Variants in GRID2 observed in about 807,000 individuals in gnomAD.
The protein encoded by GRID2 is glutamate receptor ionotropic, delta-2.
Under a neutral mutation model 114.8 loss-of-function variants are expected in GRID2, and 33 were observed. The observed-to-expected ratio is 0.29, with a 90% CI of 0.22 to 0.38. The LOEUF (loss-of-function observed/expected upper bound fraction) is 0.38. Among genes scored for constraint, GRID2 ranks in the 10% least tolerant of loss-of-function variants. The pLI is 1.00. For missense variants in GRID2, 1,184 were observed against 1,257.7 expected (o/e 0.94, Z 0.89); for synonymous variants, 505 against 449.9 (o/e 1.12, Z -1.55).
intron 4 of GRID2, among the ~76,000 whole-genome samples, chr4:93,112,600 A>C (rs1732873479): frequency 6.6e-6 from 1 of 152,122 alleles, no homozygotes; most frequent in South Asian, 2.1e-4. Context: ...AACTGTTTTC[A>C]TTTATAAATG....
At chr4:93,002,813 A>G (rs771992007) in intron 2 of GRID2, among the ~76,000 whole-genome samples, 10 of 151,836 alleles carry the variant, frequency 6.6e-5, no homozygotes, top group Non-Finnish European at 1.5e-4. Context: ...GGAGATCAGA[A>G]TTCCAACATT....
At chr4:92,878,666 T>G (rs990270852) in intron 2 of GRID2, among the ~76,000 whole-genome samples, 2 of 152,160 alleles carry the variant, frequency 1.3e-5, no homozygotes, top group African/African-American at 4.8e-5. Flanking sequence ...GAATCACACT[T>G]TTTTCTTTTT....
At chr4:93,452,996 G>A (rs1048695838) in intron 10 of GRID2, among the ~76,000 whole-genome samples, 11 of 150,058 alleles carry the variant, frequency 7.3e-5, no homozygotes, top group African/African-American at 2.2e-4. Flanking sequence ...CCAGTAACTC[G>A]TCATTTAACA....
At chr4:92,933,858 G>C (rs564373606) in intron 2 of GRID2, among the ~76,000 whole-genome samples, 170 of 151,662 alleles carry the variant, frequency 1.1e-3, no homozygotes, top group Middle Eastern at 0.01. Flanking sequence ...GAAATGGAAT[G>C]TTGTATATCT....
chr4:93,017,325 T>G (rs148614680), intron 2 of GRID2, among the ~76,000 whole-genome samples: 1 of 152,298 alleles, frequency 6.6e-6, no homozygotes, highest in East Asian at 1.9e-4. Context: ...ATTTGTTGTA[T>G]GTAGTTGACA....
chr4:93,284,607 C>T (rs750179131), intron 8 of GRID2, among the ~76,000 whole-genome samples: 1 of 151,540 alleles, frequency 6.6e-6, no homozygotes, highest in East Asian at 1.9e-4. Context: ...CTTCAATTTC[C>T]CCACTCCACC....
intron 2 of GRID2, among the ~76,000 whole-genome samples, chr4:92,650,599 G>A (rs374970664): frequency 1.3e-4 from 20 of 151,720 alleles, no homozygotes; most frequent in African/African-American, 4.8e-4. Flanking sequence ...GAAGTACAAG[G>A]TATCTGAGTG....
intron 4 of GRID2, among the ~76,000 whole-genome samples, chr4:93,152,362 C>G (rs898391954): frequency 6.6e-6 from 1 of 152,004 alleles, no homozygotes; most frequent in Non-Finnish European, 1.5e-5. Flanking sequence ...TTAAAACAAT[C>G]TGAAAATGAT....
chr4:93,409,079 T>A (rs1579986372), intron 9 of GRID2, among the ~76,000 whole-genome samples: 2 of 152,168 alleles, frequency 1.3e-5, no homozygotes, highest in Admixed American at 6.5e-5. Flanking sequence ...GGGAAGAGAC[T>A]CTTTGCTCTG....
At chr4:92,505,358 CAG>C (rs1028931281) in intron 1 of GRID2, among the ~76,000 whole-genome samples, 1 of 152,004 alleles carries the variant, frequency 6.6e-6, no homozygotes, top group Admixed American at 6.6e-5. Flanking sequence ...ATGAAGAAGT[CAG>C]AGTCATATCA....
intron 1 of GRID2, among the ~76,000 whole-genome samples, chr4:92,582,341 C>T (rs993453543): frequency 2.6e-5 from 4 of 151,802 alleles, no homozygotes; most frequent in Non-Finnish European, 1.5e-5. Context: ...ATGTCATAGT[C>T]CATATTCTAT....
intron 2 of GRID2, among the ~76,000 whole-genome samples, chr4:93,067,989 T>C (rs559875534): frequency 2.4e-4 from 37 of 152,074 alleles, no homozygotes; most frequent in Non-Finnish European, 4.6e-4. Flanking sequence ...TCAATGCAAC[T>C]GTAAGCTTCT....
intron 13 of GRID2, among the ~76,000 whole-genome samples, chr4:93,621,729 G>A (rs1000607623): frequency 6.6e-6 from 1 of 152,144 alleles, no homozygotes; most frequent in African/African-American, 2.4e-5. Flanking sequence ...TTTAATTGAT[G>A]AAAAAGGCCA....
chr4:93,561,771 G>A (rs1427325136), intron 13 of GRID2, among the ~76,000 whole-genome samples: 1 of 152,042 alleles, frequency 6.6e-6, no homozygotes, highest in Non-Finnish European at 1.5e-5. Flanking sequence ...CATGCAATTA[G>A]AGTCACAGAA....
chr4:92,479,422 A>G (rs1393127671), intron 1 of GRID2, among the ~76,000 whole-genome samples: 2 of 152,146 alleles, frequency 1.3e-5, no homozygotes, highest in African/African-American at 2.4e-5. Flanking sequence ...TTTTCCAGAG[A>G]AAGTTTTACA....
At chr4:92,961,752 A>G (rs944882632) in intron 2 of GRID2, among the ~76,000 whole-genome samples, 2 of 147,646 alleles carry the variant, frequency 1.4e-5, no homozygotes, top group African/African-American at 5.0e-5. Flanking sequence ...TGATTCAAAT[A>G]TTTCTTCTCT....
At chr4:92,951,494 C>T (rs954720108) in intron 2 of GRID2, among the ~76,000 whole-genome samples, 9 of 151,986 alleles carry the variant, frequency 5.9e-5, no homozygotes, top group Admixed American at 4.6e-4. Flanking sequence ...GTACACTCCA[C>T]CACAACTGGC....
chr4:92,868,047 T>A (rs1745012311), intron 2 of GRID2, among the ~76,000 whole-genome samples: 1 of 139,476 alleles, frequency 7.2e-6, no homozygotes, highest in Non-Finnish European at 1.5e-5. Context: ...TTTCTTTCTT[T>A]CTTTCTTTCT....
intron 2 of GRID2, among the ~76,000 whole-genome samples, chr4:92,600,020 A>ATGTGTG (rs1311637074): frequency 2.0e-5 from 2 of 99,714 alleles, no homozygotes; most frequent in South Asian, 3.6e-4. Flanking sequence ...GCAATACTTC[A>ATGTGTG]TGTATGTGTG....
Sources: gnomAD v4.1 joint callset for allele counts (sites outside exome capture counted in the v4.1 genomes callset) on GRCh38, gnomAD v4.1.1 for gene constraint, MANE v1.5 for transcripts, NCBI Gene and HGNC (gene_info 2026-07-23, HGNC 2026-07-21) for gene names.